The following TMEM132B variants were observed in gnomAD, a reference collection of about 807,000 sequenced individuals.
TMEM132B encodes transmembrane protein 132B.
TMEM132B carries 18 observed loss-of-function variants against 90.8 expected under a neutral mutation model. The ratio of observed to expected loss-of-function variants is 0.20; its 90% CI spans 0.14 to 0.29. The LOEUF is 0.29. TMEM132B is among the 10% of genes least tolerant of loss of function. TMEM132B has a pLI of 1.00. For missense variants in TMEM132B, 1,096 were observed against 1,326.8 expected, an observed-to-expected ratio of 0.83 and a Z score of 2.70; for synonymous variants, 504 against 523.3, an observed-to-expected ratio of 0.96 and a Z score of 0.50.
chr12:125,343,358 C>T (rs1167837070), intron 1 of TMEM132B, among the ~76,000 whole-genome samples: 2 of 152,160 alleles, frequency 1.3e-5, no homozygotes, highest in African/African-American at 4.8e-5. Flanking sequence ...TAACAGGTAC[C>T]TGGGATGGGA....
At chr12:125,329,163 G>A (rs1327840875) in intron 1 of TMEM132B, among the ~76,000 whole-genome samples, 2 of 152,194 alleles carry the variant, frequency 1.3e-5, no homozygotes, top group African/African-American at 4.8e-5. Flanking sequence ...AAGTACCAGC[G>A]CTTCCTCCCT....
At chr12:125,610,154 A>G (rs1885791987) in intron 5 of TMEM132B, among the ~76,000 whole-genome samples, 1 of 152,034 alleles carries the variant, frequency 6.6e-6, no homozygotes, top group Non-Finnish European at 1.5e-5. Flanking sequence ...AGGATTTTCT[A>G]TATATATAAT....
chr12:125,295,680 C>T (rs1875656866), intron 1 of TMEM132B, among the ~76,000 whole-genome samples: 1 of 152,064 alleles, frequency 6.6e-6, no homozygotes, highest in South Asian at 2.1e-4. Context: ...ACAGATGTTG[C>T]CCAAAGCGTA....
intron 1 of TMEM132B, among the ~76,000 whole-genome samples, chr12:125,243,333 G>GT (rs1874132788): frequency 6.8e-6 from 1 of 146,160 alleles, no homozygotes; most frequent in South Asian, 2.2e-4. Context: ...TTGAGACAGA[G>GT]TTTCACTCTG....
chr12:125,216,451 T>C (rs2136069718), intron 1 of TMEM132B, among the ~76,000 whole-genome samples: 1 of 152,330 alleles, frequency 6.6e-6, no homozygotes, highest in East Asian at 1.9e-4. Flanking sequence ...CACATGTGGC[T>C]TGGGGAGGTG....
intron 1 of TMEM132B, among the ~76,000 whole-genome samples, chr12:125,196,392 A>G (rs577277952): frequency 1.0e-3 from 155 of 152,324 alleles, no homozygotes; most frequent in African/African-American, 3.5e-3. Context: ...GCATTTTTGC[A>G]TCTGTAAGAT....
chr12:125,349,646 A>ATTATCAATG lies in TMEM132B; in HGVS notation c.263_271dup (p.Asn90_Ala91insValIleAsn), dbSNP rs1566009774. The stretch of plus-strand genomic sequence containing the variant: ...CATCTACCGAGCCAGGACACCCCCT[A>ATTATCAATG]TTATCAATGCCAGCTATGGCCCATT... On this transcript the variant is annotated inframe_insertion, in exon 2 of 9. Transcript: ENST00000682704. The surrounding 1 kb of genome is among the most constrained non-coding windows in gnomAD (Gnocchi z 4.1). The ATTATCAATG allele has an allele frequency of 6.2e-7, 1 of 1,614,104 alleles. No individual in the cohort carries two copies. The highest frequency in any genetic ancestry group is 8.5e-7 in the Non-Finnish European group (1 of 1,180,008).
At position 125,237,756 on chromosome 12, in the gene TMEM132B, C is replaced by T. The variant is rs74856321; in HGVS notation, c.67+50890C>T. On this transcript the variant is annotated intron_variant, in intron 1 of 8. Coordinates refer to ENST00000682704, the MANE Select transcript of TMEM132B (RefSeq NM_001366854.1). Reference sequence around the variant, plus strand: ...GAGCCACCATGCCCGGCCACGTTGGCGTACTTAAAGTTGCATTTGCCTCCT... The same window carrying T: ...GAGCCACCATGCCCGGCCACGTTGGTGTACTTAAAGTTGCATTTGCCTCCT... Among the ~76,000 whole-genome samples, 812 of 152,286 alleles carry T rather than the reference C, an allele frequency of 5.3e-3. 7 individuals are homozygous for T. The highest frequency in any genetic ancestry group is 0.018 in the African/African-American group (757 of 41,564).
chr12:125,593,255 A>G (rs1328725553), intron 5 of TMEM132B, among the ~76,000 whole-genome samples: 1 of 152,178 alleles, frequency 6.6e-6, no homozygotes, highest in Admixed American at 6.5e-5. Flanking sequence ...CCTGGGATAG[A>G]TATTGCTGCA....
intron 1 of TMEM132B, among the ~76,000 whole-genome samples, chr12:125,193,214 T>C (rs1277599178): frequency 2.6e-5 from 4 of 152,082 alleles, no homozygotes; most frequent in African/African-American, 9.7e-5. Context: ...AACTGTTGAG[T>C]GAGGGGTAGG....
chr12:125,565,724 C>T (rs527572207), intron 4 of TMEM132B, among the ~76,000 whole-genome samples: 1 of 152,190 alleles, frequency 6.6e-6, no homozygotes, highest in East Asian at 1.9e-4. Context: ...GATGCTTCTT[C>T]TCTTTTCTCT....
In TMEM132B at chr12:125,246,287, C is replaced by T. The variant is rs1000584040; in HGVS notation, c.67+59421C>T. Among the ~76,000 whole-genome samples the T allele has an allele frequency of 5.3e-5, 8 of 152,234 alleles. No individual in the cohort carries two copies. The highest frequency in any genetic ancestry group is 1.2e-4 in the Non-Finnish European group (8 of 68,054). On this transcript the variant is annotated intron_variant, in intron 1 of 8. Transcript: ENST00000682704. This position sits in a 1 kb window ranked among gnomAD's most constrained non-coding sequence, Gnocchi z 4.2. Reference sequence around the variant, plus strand: ...AGCTGGTGGCCCCTCCTTTCCCCGCCTTCCCTGCCACAGGGAACTCAAGCC... The same window carrying T: ...AGCTGGTGGCCCCTCCTTTCCCCGCTTTCCCTGCCACAGGGAACTCAAGCC...
intron 1 of TMEM132B, among the ~76,000 whole-genome samples, chr12:125,193,046 T>TCC (rs1872833403): frequency 6.6e-6 from 1 of 152,110 alleles, no homozygotes; most frequent in African/African-American, 2.4e-5. Context: ...CCTGAGGCTG[T>TCC]TAGCACAGGG....
chr12:125,344,188 A>G (rs1310107714), intron 1 of TMEM132B, among the ~76,000 whole-genome samples: 5 of 152,228 alleles, frequency 3.3e-5, no homozygotes, highest in African/African-American at 1.2e-4. Flanking sequence ...TTGAGGGAAT[A>G]TAGCAGGATG....
chr12:125,447,061 T>A (rs1263091997), intron 3 of TMEM132B, among the ~76,000 whole-genome samples: 1 of 152,264 alleles, frequency 6.6e-6, no homozygotes, highest in Non-Finnish European at 1.5e-5. Context: ...TTATGTGGCA[T>A]ATATATTTTT....
At chr12:125,446,881 G>A (rs778799235) in intron 3 of TMEM132B, among the ~76,000 whole-genome samples, 2 of 152,128 alleles carry the variant, frequency 1.3e-5, no homozygotes, top group African/African-American at 2.4e-5. Context: ...TTGCATTTTG[G>A]ATTTGCTTTT....
At chr12:125,473,604 A>G (rs1881779248) in intron 3 of TMEM132B, among the ~76,000 whole-genome samples, 1 of 152,210 alleles carries the variant, frequency 6.6e-6, no homozygotes, top group Non-Finnish European at 1.5e-5. Context: ...GCCAGTCAAC[A>G]GCTCTTTCAT....
At chr12:125,362,535 C>T (rs147324539) in intron 2 of TMEM132B, among the ~76,000 whole-genome samples, 39 of 152,240 alleles carry the variant, frequency 2.6e-4, no homozygotes, top group East Asian at 9.7e-4. Flanking sequence ...TAACTACATG[C>T]GCACTATTGG....
intron 2 of TMEM132B, among the ~76,000 whole-genome samples, chr12:125,380,886 G>T (rs1878661060): frequency 6.6e-6 from 1 of 152,154 alleles, no homozygotes; most frequent in Non-Finnish European, 1.5e-5. Context: ...CTGGCCTAGG[G>T]GTGCTATCAG....
Sources: allele counts gnomAD v4.1 joint callset (sites outside exome capture counted in the v4.1 genomes callset), GRCh38; gene constraint gnomAD v4.1.1; non-coding constraint Gnocchi (gnomAD v3.1); transcripts MANE v1.5; gene names NCBI Gene and HGNC (gene_info 2026-07-23, HGNC 2026-07-21).